TOX: variants seen among roughly 807,000 people sequenced by gnomAD.
TOX encodes thymocyte selection-associated high mobility group box protein TOX.
Under a neutral mutation model 53.7 loss-of-function variants are expected in TOX, and 11 were observed. The observed-to-expected ratio is 0.20, with a 90% CI of 0.13 to 0.34. The LOEUF (loss-of-function observed/expected upper bound fraction) is 0.34, where lower values mean the gene tolerates loss of function less well. Ranked by LOEUF, TOX falls within the 10% of genes least tolerant of loss-of-function variation. The pLI is 1.00. For synonymous variants in TOX, 225 were observed against 245.3 expected (o/e 0.92, Z 0.77); for missense variants, 570 against 664.6 (o/e 0.86, Z 1.56).
chr8:59,024,792 G>A (rs1352607948), intron 1 of TOX, among the ~76,000 whole-genome samples: 2 of 151,832 alleles, frequency 1.3e-5, no homozygotes, highest in African/African-American at 2.4e-5. Flanking sequence ...AAAAGCGGCC[G>A]TGTGATTATC....
intron 1 of TOX, among the ~76,000 whole-genome samples, chr8:59,112,752 A>G (rs1314417816): frequency 1.3e-5 from 2 of 152,218 alleles, no homozygotes; most frequent in East Asian, 3.8e-4. Context: ...GGCAAGAACT[A>G]CAGTTAGGAT....
chr8:59,091,379 A>C (rs1421193583), intron 1 of TOX, among the ~76,000 whole-genome samples: 1 of 152,146 alleles, frequency 6.6e-6, no homozygotes, highest in Non-Finnish European at 1.5e-5. Flanking sequence ...CCTGGCTTCC[A>C]TGACACACCA....
At chr8:58,983,951 C>T (rs1813274977) in intron 1 of TOX, among the ~76,000 whole-genome samples, 2 of 152,162 alleles carry the variant, frequency 1.3e-5, no homozygotes, top group Admixed American at 1.3e-4. Context: ...TCCCTGACAT[C>T]CAGAGCCTGT....
chr8:59,092,344 C>CATTATATATATTATATATTATATATAA, intron 1 of TOX, among the ~76,000 whole-genome samples: 1 of 128,746 alleles, frequency 7.8e-6, no homozygotes, highest in African/African-American at 3.0e-5. Flanking sequence ...ATTATATATA[C>CATTATATATATTATATATTATATATAA]ATTATATATA....
intron 1 of TOX, among the ~76,000 whole-genome samples, chr8:59,011,573 CT>C (rs1175505137): frequency 2.8e-5 from 3 of 108,320 alleles, no homozygotes; most frequent in Non-Finnish European, 7.1e-5. Flanking sequence ...TTCTTCCTAT[CT>C]TTTTTTCAAA....
chr8:58,964,610 G>C (rs1812859774), intron 1 of TOX, among the ~76,000 whole-genome samples: 1 of 152,138 alleles, frequency 6.6e-6, no homozygotes, highest in African/African-American at 2.4e-5. Context: ...TCTTAGAAGT[G>C]TGCTTGTAGA....
At position 58,947,810 on chromosome 8, in the gene TOX, T is replaced by C. The variant is rs191879723; in HGVS notation, c.169-8266A>G. On this transcript the variant is annotated intron_variant, in intron 2 of 8. Transcript: ENST00000361421. ...TATCAGGGCCTAAAGATCAGACACT[T>C]CTGCCAAGATGCGATAAGTGATCAG... Among the ~76,000 whole-genome samples, 114 of 152,322 alleles carry C rather than the reference T, an allele frequency of 7.5e-4. 1 individual carries two copies. The highest frequency in any genetic ancestry group is 7.3e-3 in the South Asian group (35 of 4,826).
intron 3 of TOX, among the ~76,000 whole-genome samples, chr8:58,924,634 G>A (rs1389847322): frequency 6.6e-6 from 1 of 152,220 alleles, no homozygotes; most frequent in Non-Finnish European, 1.5e-5. Flanking sequence ...AACCGTAATA[G>A]GGGAGAATCT....
intron 1 of TOX, among the ~76,000 whole-genome samples, chr8:58,961,992 T>C (rs996105454): frequency 6.6e-6 from 1 of 152,244 alleles, no homozygotes; most frequent in African/African-American, 2.4e-5. Context: ...GTTTAAAATA[T>C]GGACAGTTTC....
intron 2 of TOX, among the ~76,000 whole-genome samples, chr8:58,959,063 C>T (rs973010988): frequency 6.6e-6 from 1 of 152,188 alleles, no homozygotes; most frequent in African/African-American, 2.4e-5. Context: ...TTTAGAATTA[C>T]TAACATATGA....
intron 3 of TOX, among the ~76,000 whole-genome samples, chr8:58,870,719 A>C (rs1455405869): frequency 6.6e-6 from 1 of 151,924 alleles, no homozygotes; most frequent in African/African-American, 2.4e-5. Context: ...GGGCCCAGAA[A>C]TAGATCCACA....
At chr8:58,823,489 G>T (rs1336218673) in intron 6 of TOX, among the ~76,000 whole-genome samples, 3 of 152,172 alleles carry the variant, frequency 2.0e-5, no homozygotes, top group Non-Finnish European at 4.4e-5. Context: ...CTCCCAAAGT[G>T]CTGGGATTAC....
intron 1 of TOX, among the ~76,000 whole-genome samples, chr8:59,002,614 A>C (rs199861511): frequency 1.9e-3 from 295 of 151,870 alleles, no homozygotes; most frequent in South Asian, 8.7e-3. Context: ...CAACAAAAAA[A>C]AAACAAACAA....
rs1586026421 is a variant in TOX, at chr8:59,111,399, G to A, written c.102+7487C>T. 2.0e-5 allele frequency among the ~76,000 whole-genome samples: 3 copies of A among 152,266 alleles called. No individual in the cohort carries two copies. In the East Asian group the frequency reaches 5.8e-4, roughly 29 times the overall value. ...ATATTGCTGAGTATCTTAAAAGGGA[G>A]TGGTAACCAGGCATTCCCAGTAGTC... On this transcript the variant is annotated intron_variant, in intron 1 of 8. Transcript: ENST00000361421.
At chr8:58,835,940 G>A (rs1370286062) in intron 5 of TOX, among the ~76,000 whole-genome samples, 1 of 152,186 alleles carries the variant, frequency 6.6e-6, no homozygotes, top group Admixed American at 6.5e-5. Flanking sequence ...AGGGAAGAGG[G>A]GCTGAGCCTT....
chr8:59,118,584 CTCT>C lies in TOX; in HGVS notation c.102+299_102+301del, dbSNP rs1327231203. 6.6e-6 allele frequency among the ~76,000 whole-genome samples: 1 copy of C among 152,180 alleles called. No individual in the cohort carries two copies. Among genetic ancestry groups the C allele is most frequent in the Admixed American group, 6.5e-5 (1 of 15,282 alleles). On this transcript the variant is annotated intron_variant, in intron 1 of 8. Coordinates refer to ENST00000361421, the MANE Select transcript of TOX (RefSeq NM_014729.3). This position sits in a 1 kb window ranked among gnomAD's most constrained non-coding sequence, Gnocchi z 4.1. ...CACCCCCAAAGTATTCCACGGTTTT[CTCT>C]TATTATTTTTTTAAACGCCCCCCGG...
Position 58,959,939 on chromosome 8 carries a change from C to G in TOX, c.168+4G>C. ...AACAAGGCAGAGAAGATTAATTAAC[C>G]CACCTGGCTGGCTGGCACATAGTCC... is the stretch of plus-strand genomic sequence containing the variant. On this transcript the variant is annotated splice_donor_region_variant and intron_variant, in intron 2 of 8. Coordinates refer to ENST00000361421, the MANE Select transcript of TOX (RefSeq NM_014729.3). 1.2e-6 allele frequency: 2 copies of G among 1,614,116 alleles called. No individual in the cohort carries two copies. Among genetic ancestry groups the G allele is most frequent in the Non-Finnish European group, 1.7e-6 (2 of 1,180,012 alleles).
chr8:59,092,263 TTTTATATATA>T (rs1563443664), intron 1 of TOX, among the ~76,000 whole-genome samples: 3 of 48,836 alleles, frequency 6.1e-5, no homozygotes, highest in African/African-American at 2.5e-4. Flanking sequence ...TATATATATA[TTTTATATATA>T]TATATATATT....
chr8:59,041,989 C>A (rs12234964), intron 1 of TOX, among the ~76,000 whole-genome samples: 2,646 of 152,248 alleles, frequency 0.017, 72 homozygotes, highest in East Asian at 0.072. Flanking sequence ...TAAAATATTG[C>A]CAGATCAAAT....
Sources: gnomAD v4.1 joint callset for allele counts (sites outside exome capture counted in the v4.1 genomes callset) on GRCh38, gnomAD v4.1.1 for gene constraint, Gnocchi (gnomAD v3.1) non-coding constraint, MANE v1.5 for transcripts, NCBI Gene and HGNC (gene_info 2026-07-23, HGNC 2026-07-21) for gene names.